Variants in GPC6 observed in about 807,000 individuals in gnomAD.
GPC6 encodes glypican 6, also known as glypican-6.
A neutral mutation model predicts 55.2 loss-of-function variants in GPC6; 14 were observed. The observed-to-expected ratio is 0.25, with a 90% CI of 0.17 to 0.40. The LOEUF (loss-of-function observed/expected upper bound fraction) is 0.40. GPC6 is among the 10% of genes least tolerant of loss of function. GPC6 has a pLI of 1.00. For synonymous variants in GPC6, 278 were observed against 259.6 expected, an observed-to-expected ratio of 1.07 and a Z score of -0.68; for missense variants, 641 against 708.5, an observed-to-expected ratio of 0.90 and a Z score of 1.08.
At chr13:94,044,500 C>T (rs995333752) in intron 4 of GPC6, among the ~76,000 whole-genome samples, 2 of 151,864 alleles carry the variant, frequency 1.3e-5, no homozygotes, top group Admixed American at 6.6e-5. Context: ...TTACTAATAG[C>T]TGTGTAGTAC....
chr13:94,084,416 C>T (rs571753047), intron 4 of GPC6, among the ~76,000 whole-genome samples: 1 of 152,216 alleles, frequency 6.6e-6, no homozygotes, highest in East Asian at 1.9e-4. Context: ...GATAGGAAAA[C>T]TTTTACTTAG....
chr13:93,487,685 A>G (rs867876539), intron 1 of GPC6, among the ~76,000 whole-genome samples: 1 of 152,202 alleles, frequency 6.6e-6, no homozygotes, highest in Admixed American at 6.5e-5. Context: ...TGTGCTGTTC[A>G]GGAAAGAAGT....
chr13:93,716,943 A>C lies in GPC6; in HGVS notation c.320-113211A>C, dbSNP rs753147445. ...GCACAAATACTTGCCATTATGTTAC[A>C]ATTGACTACAGTAGTCAGTACAGTA... is the stretch of plus-strand genomic sequence containing the variant. On this transcript the variant is annotated intron_variant, in intron 2 of 8. Transcript: ENST00000377047. Among the ~76,000 whole-genome samples, 5 of 151,664 alleles carry C rather than the reference A, an allele frequency of 3.3e-5. No individual in the cohort carries two copies. The South Asian group carries it at 6.2e-4, about 19-fold the overall frequency.
At chr13:94,228,103 C>G (rs955595076) in intron 4 of GPC6, among the ~76,000 whole-genome samples, 2 of 152,306 alleles carry the variant, frequency 1.3e-5, no homozygotes, top group East Asian at 3.9e-4. Flanking sequence ...ATTGCCAAAA[C>G]AGCTAATGCC....
At chr13:94,105,586 G>A (rs1243374914) in intron 4 of GPC6, among the ~76,000 whole-genome samples, 1 of 152,176 alleles carries the variant, frequency 6.6e-6, no homozygotes, top group African/African-American at 2.4e-5. Context: ...GAAATGGACA[G>A]GCTGAAGGAA....
intron 3 of GPC6, among the ~76,000 whole-genome samples, chr13:94,003,313 T>G (rs1461937031): frequency 6.6e-6 from 1 of 152,166 alleles, no homozygotes; most frequent in Non-Finnish European, 1.5e-5. Context: ...TTTAAGAACT[T>G]AAAAAAGTTT....
intron 4 of GPC6, among the ~76,000 whole-genome samples, chr13:94,229,524 G>A (rs1252042241): frequency 6.6e-6 from 1 of 152,176 alleles, no homozygotes; most frequent in Admixed American, 6.5e-5. Flanking sequence ...AGAAGCCAAG[G>A]AGTATTTTAA....
In GPC6 at chr13:93,467,999, G is replaced by A. The variant is rs1288381825; in HGVS notation, c.161-77264G>A. 5.3e-5 allele frequency among the ~76,000 whole-genome samples: 8 copies of A among 152,178 alleles called. No homozygotes were observed. The South Asian group carries it at 8.3e-4, about 16-fold the overall frequency. On this transcript the variant is annotated intron_variant, in intron 1 of 8. Coordinates refer to ENST00000377047, the MANE Select transcript of GPC6 (RefSeq NM_005708.5). ...CTGAACCTGAAAACTCTTGGGTAGA[G>A]TCCTAGCAAGTAAAATTTTTGATTT...
intron 4 of GPC6, among the ~76,000 whole-genome samples, chr13:94,216,113 C>A (rs1890220246): frequency 6.6e-6 from 1 of 152,154 alleles, no homozygotes; most frequent in Non-Finnish European, 1.5e-5. Context: ...ACTGTTTTAT[C>A]TTTGTAAGTT....
chr13:93,416,660 T>C (rs1375793853), intron 1 of GPC6, among the ~76,000 whole-genome samples: 1 of 152,062 alleles, frequency 6.6e-6, no homozygotes, highest in Non-Finnish European at 1.5e-5. Context: ...AACTATTTTT[T>C]TGGAACCCAT....
At chr13:93,407,400 A>T (rs996669395) in intron 1 of GPC6, among the ~76,000 whole-genome samples, 5 of 152,138 alleles carry the variant, frequency 3.3e-5, no homozygotes, top group Non-Finnish European at 7.4e-5. Context: ...GGGTAAAAAA[A>T]AACACCAACT....
chr13:93,953,884 A>T (rs1434276879), intron 3 of GPC6, among the ~76,000 whole-genome samples: 1 of 152,196 alleles, frequency 6.6e-6, no homozygotes, highest in Non-Finnish European at 1.5e-5. Flanking sequence ...GATATAGCAT[A>T]TATGGTTATC....
intron 2 of GPC6, among the ~76,000 whole-genome samples, chr13:93,776,084 G>A (rs1165857924): frequency 2.9e-5 from 4 of 137,864 alleles, no homozygotes; most frequent in African/African-American, 8.3e-5. Context: ...GTGGGGGGGT[G>A]GTGTACATTT....
chr13:94,340,253 T>C (rs9516397), intron 6 of GPC6, among the ~76,000 whole-genome samples: 13,023 of 152,192 alleles, frequency 0.086, 624 homozygotes, highest in African/African-American at 0.11. Flanking sequence ...GGAGTAGTCA[T>C]GCATTACTGG....
intron 4 of GPC6, among the ~76,000 whole-genome samples, chr13:94,106,974 A>G (rs1297014020): frequency 6.6e-6 from 1 of 152,178 alleles, no homozygotes; most frequent in Admixed American, 6.5e-5. Flanking sequence ...CCTAGTAGAC[A>G]AAAGAAAAGG....
chr13:93,536,126 C>T (rs529672203), intron 1 of GPC6, among the ~76,000 whole-genome samples: 1 of 152,184 alleles, frequency 6.6e-6, no homozygotes, highest in South Asian at 2.1e-4. Flanking sequence ...ATTAGGTTGC[C>T]AGGCCTCTGT....
intron 5 of GPC6, among the ~76,000 whole-genome samples, chr13:94,291,294 G>A (rs1874958842): frequency 6.6e-6 from 1 of 152,150 alleles, no homozygotes; most frequent in Non-Finnish European, 1.5e-5. Flanking sequence ...AAAAATGACA[G>A]AAACAAAATA....
intron 3 of GPC6, among the ~76,000 whole-genome samples, chr13:93,950,343 T>C (rs1380501882): frequency 6.6e-6 from 1 of 152,192 alleles, no homozygotes; most frequent in Admixed American, 6.5e-5. Context: ...TATCTAACTT[T>C]TAGGAGAAAG....
intron 3 of GPC6, among the ~76,000 whole-genome samples, chr13:93,961,036 G>T (rs1418963538): frequency 6.6e-6 from 1 of 151,920 alleles, no homozygotes. Context: ...GGATGGTCTG[G>T]ATCTCCTGAC....
Sources: allele counts gnomAD v4.1 joint callset (sites outside exome capture counted in the v4.1 genomes callset), GRCh38; gene constraint gnomAD v4.1.1; transcripts MANE v1.5; gene names NCBI Gene and HGNC (gene_info 2026-07-23, HGNC 2026-07-21).